Variants in ABCA13 observed in about 807,000 individuals in gnomAD.
The protein encoded by ABCA13 is ATP binding cassette subfamily A member 13.
Under a neutral mutation model 478.7 loss-of-function variants are expected in ABCA13, and 476 were observed. The observed-to-expected ratio is 0.99, with a 90% CI of 0.92 to 1.07. ABCA13 has a LOEUF of 1.07. Ranked by LOEUF, ABCA13 falls within the 50% of genes least tolerant of loss-of-function variation. The pLI is 0.00. For synonymous variants in ABCA13, 2,252 were observed against 2,158.9 expected (o/e 1.04, Z -1.20); for missense variants, 6,060 against 5,910.6 (o/e 1.03, Z -0.83).
chr7:48,421,923 C>A (rs1296965156), intron 41 of ABCA13, among the ~76,000 whole-genome samples: 1 of 151,928 alleles, frequency 6.6e-6, no homozygotes, highest in Non-Finnish European at 1.5e-5. Flanking sequence ...CCTTAGTCCT[C>A]CTGTGTGCAG....
Position 48,374,348 on chromosome 7 carries a change from G to A in ABCA13, c.11135G>A (p.Cys3712Tyr), listed in dbSNP as rs745541390. 8 of 1,608,090 alleles carry A rather than the reference G, an allele frequency of 5.0e-6. No homozygotes were observed. Among genetic ancestry groups the A allele is most frequent in the Non-Finnish European group, 6.8e-6 (8 of 1,177,554 alleles). ...TTTTCTCCATCAATCTGTGGGCAGTGCCTTCTTTCGACAACCGCCTTTGGA... is the reference window on the plus strand; with the variant it reads ...TTTTCTCCATCAATCTGTGGGCAGTACCTTCTTTCGACAACCGCCTTTGGA... ...QLSFVNQTFL[C>Y]LLSTTAFGQG... Residue 3712 changes from cysteine (C) to tyrosine (Y), a missense_variant and splice_region_variant, in exon 34 of 62, where the codon TGC (cysteine) becomes TAC (tyrosine). Cys to Tyr is a radical substitution (Grantham distance 194). Coordinates refer to ENST00000435803, the MANE Select transcript of ABCA13 (RefSeq NM_152701.5).
Position 48,617,565 on chromosome 7 carries a change from G to A in ABCA13, c.14837+2188G>A, listed in dbSNP as rs1052767175. 2.6e-5 allele frequency among the ~76,000 whole-genome samples: 4 copies of A among 152,258 alleles called. No homozygotes were observed. In the East Asian group the frequency reaches 5.8e-4, roughly 22 times the overall value. ...GAGGAGCTACAGAAATCCCACAGAG[G>A]GGGGACCCAGAGGGCAGGGCTTGGG... On this transcript the variant is annotated intron_variant, in intron 59 of 61. Transcript: ENST00000435803.
intron 61 of ABCA13, among the ~76,000 whole-genome samples, chr7:48,645,058 G>A (rs995980967): frequency 2.0e-5 from 3 of 151,932 alleles, no homozygotes; most frequent in East Asian, 1.9e-4. Flanking sequence ...AAGACTTTTC[G>A]GGGGGGCTTC....
At position 48,272,348 on chromosome 7, in the gene ABCA13, A is replaced by T. The variant is rs757186907; in HGVS notation, c.2682A>T (p.Leu894Phe). Residue 894 changes from leucine (L) to phenylalanine (F), a missense_variant, in exon 17 of 62, where the codon TTA becomes TTT. Transcript: ENST00000435803. ...SPAMNIDFVRLSEAIITSLHE... is the reference protein window; with the variant it reads ...SPAMNIDFVRFSEAIITSLHE... ...CTATGAACATAGATTTTGTACGTTT[A>T]AGTGAGGCTATAATAACTAGTCTCC... The T allele has an allele frequency of 6.2e-7, 1 of 1,613,792 alleles. No individual in the cohort carries two copies.
chr7:48,421,581 T>C (rs568829400), intron 41 of ABCA13, among the ~76,000 whole-genome samples: 1 of 152,312 alleles, frequency 6.6e-6, no homozygotes, highest in Non-Finnish European at 1.5e-5. Context: ...AGCATTTTCC[T>C]GCTTCCTGAC....
rs1359262808 is a variant in ABCA13, at chr7:48,505,166, T to C, written c.13292-1170T>C. Among the ~76,000 whole-genome samples the C allele has an allele frequency of 2.6e-5, 4 of 152,238 alleles. No homozygotes were observed. The East Asian group carries it at 7.7e-4, about 29-fold the overall frequency. Reference sequence around the variant, plus strand: ...TTGCTGAACCAACAGCTCCTACTGTTGTTGCTTTTATGAGCCGGAACTTGC... The same window carrying C: ...TTGCTGAACCAACAGCTCCTACTGTCGTTGCTTTTATGAGCCGGAACTTGC... On this transcript the variant is annotated intron_variant, in intron 48 of 61. Coordinates refer to ENST00000435803, the MANE Select transcript of ABCA13 (RefSeq NM_152701.5).
intron 31 of ABCA13, among the ~76,000 whole-genome samples, chr7:48,355,332 A>C (rs1021238589): frequency 6.6e-6 from 1 of 151,892 alleles, no homozygotes; most frequent in African/African-American, 2.4e-5. Context: ...GGAACCCCCC[A>C]TGCAAAGGCC....
At chr7:48,296,760 C>T (rs546139208) in intron 21 of ABCA13, among the ~76,000 whole-genome samples, 126 of 152,288 alleles carry the variant, frequency 8.3e-4, no homozygotes, top group Middle Eastern at 3.4e-3. Context: ...CGCACCCGGT[C>T]GCAAATATTT....
chr7:48,232,904 G>T (rs1789370344), intron 7 of ABCA13, among the ~76,000 whole-genome samples: 1 of 152,150 alleles, frequency 6.6e-6, no homozygotes, highest in Non-Finnish European at 1.5e-5. Flanking sequence ...TAAGAAAAAG[G>T]GGATAATTAC....
intron 1 of ABCA13, among the ~76,000 whole-genome samples, chr7:48,181,456 T>A (rs1010071007): frequency 2.0e-5 from 3 of 152,182 alleles, no homozygotes; most frequent in African/African-American, 7.2e-5. Context: ...ACTTCATTCA[T>A]CCATAGCTTT....
chr7:48,569,455 T>C (rs1787392592), intron 55 of ABCA13, among the ~76,000 whole-genome samples: 1 of 152,242 alleles, frequency 6.6e-6, no homozygotes, highest in African/African-American at 2.4e-5. Flanking sequence ...TTAATTTTAG[T>C]CCATTGTAGT....
intron 53 of ABCA13, among the ~76,000 whole-genome samples, chr7:48,522,448 G>C (rs35099077): frequency 0.084 from 12,740 of 152,214 alleles, 926 homozygotes; most frequent in African/African-American, 0.2. Context: ...CACTTTTGCT[G>C]TCTGTACCCT....
intron 47 of ABCA13, among the ~76,000 whole-genome samples, chr7:48,488,619 T>C (rs1377910696): frequency 6.6e-6 from 1 of 152,250 alleles, no homozygotes; most frequent in Non-Finnish European, 1.5e-5. Flanking sequence ...CACTTGCTTT[T>C]CAAATTAATA....
intron 17 of ABCA13, among the ~76,000 whole-genome samples, chr7:48,276,935 G>A (rs1040495049): frequency 3.9e-5 from 6 of 152,046 alleles, no homozygotes; most frequent in Admixed American, 2.0e-4. Context: ...TCACCAACTA[G>A]GGGCTTAAGT....
chr7:48,369,126 G>GT (rs1563135706), intron 32 of ABCA13, among the ~76,000 whole-genome samples: 1 of 152,050 alleles, frequency 6.6e-6, no homozygotes, highest in Non-Finnish European at 1.5e-5. Flanking sequence ...TTACATTGTG[G>GT]TTTTGATTTG....
chr7:48,414,142 G>A (rs1819636127), intron 41 of ABCA13, among the ~76,000 whole-genome samples: 1 of 152,188 alleles, frequency 6.6e-6, no homozygotes, highest in Non-Finnish European at 1.5e-5. Context: ...TAAAGCCAAA[G>A]GATGCGGTCA....
rs1416092602 is a variant in ABCA13 at position 48,310,026 on chromosome 7, A to G, written c.9401A>G (p.Lys3134Arg). The stretch of plus-strand genomic sequence containing the variant: ...CTTCATCTCCTGCTGACATTTCCCA[A>G]AGGGGAAAAATCTTGGATCGCAGCG... Reference protein sequence around the residue: ...EILHLLLTFPKGEKSWIAAEE... With the variant: ...EILHLLLTFPRGEKSWIAAEE... Residue 3134 changes from lysine (K) to arginine (R), a missense_variant, in exon 24 of 62, where the codon AAA becomes AGA. Around this residue, in one of 3 missense-constraint regions of ABCA13, gnomAD observed 4,423 missense variants for 4,309.1 expected, o/e 1.03. Transcript: ENST00000435803. 1 of 1,613,916 alleles carries G rather than the reference A, an allele frequency of 6.2e-7. No individual in the cohort carries two copies. The highest frequency in any genetic ancestry group is 1.7e-5 in the Admixed American group (1 of 60,014).
intron 43 of ABCA13, among the ~76,000 whole-genome samples, chr7:48,458,368 C>T (rs1049809947): frequency 4.6e-5 from 7 of 152,186 alleles, no homozygotes; most frequent in African/African-American, 1.4e-4. Flanking sequence ...CATTTTATAA[C>T]ATCTGTGAGC....
chr7:48,620,332 A>G (rs1008997800), intron 59 of ABCA13, among the ~76,000 whole-genome samples: 4 of 152,228 alleles, frequency 2.6e-5, no homozygotes, highest in African/African-American at 9.6e-5. Context: ...TGAAAAATAA[A>G]GAAAATCCTC....
Sources: gnomAD v4.1 joint callset for allele counts (sites outside exome capture counted in the v4.1 genomes callset) on GRCh38, gnomAD v4.1.1 for gene constraint, gnomAD v4.1.1 regional missense constraint, MANE v1.5 for transcripts, NCBI Gene and HGNC (gene_info 2026-07-23, HGNC 2026-07-21) for gene names.